Variants in AOPEP observed in about 807,000 individuals in gnomAD.
AOPEP encodes the protein aminopeptidase O (putative), also known as aminopeptidase O.
A neutral mutation model predicts 98.1 loss-of-function variants in AOPEP; 77 were observed. The ratio of observed to expected loss-of-function variants is 0.78; its 90% CI spans 0.65 to 0.95. The LOEUF is 0.95. Among genes scored for constraint, AOPEP ranks in the 40% least tolerant of loss-of-function variants. AOPEP has a pLI of 0.00. For missense variants in AOPEP, 1,024 were observed against 1,024.7 expected, an observed-to-expected ratio of 1.00 and a Z score of 0.01; for synonymous variants, 346 against 365.3, an observed-to-expected ratio of 0.95 and a Z score of 0.60.
chr9:95,144,442 C>A, the AOPEP span, among the ~76,000 whole-genome samples: 4 of 152,204 alleles, frequency 2.6e-5, no homozygotes, highest in African/African-American at 9.7e-5. Context: ...GAGTGTGGGC[C>A]TGCTTGGGGA....
intron 2 of AOPEP, chr9:94,763,416 A>G (rs1332110947): frequency 5.0e-6 from 1 of 200,376 alleles, no homozygotes; most frequent in African/African-American, 2.4e-5. Context: ...TCAAAATGAA[A>G]TAGCTTAATA....
At chr9:94,818,193 G>T (rs1057364179) in intron 5 of AOPEP, among the ~76,000 whole-genome samples, 3 of 152,204 alleles carry the variant, frequency 2.0e-5, no homozygotes, top group African/African-American at 7.2e-5. Flanking sequence ...CAGAACTCTT[G>T]TGGATAAGAT....
intron 7 of AOPEP, among the ~76,000 whole-genome samples, chr9:94,937,787 C>G (rs1442948575): frequency 6.6e-6 from 1 of 152,214 alleles, no homozygotes; most frequent in Non-Finnish European, 1.5e-5. Flanking sequence ...CTGTCTCTCT[C>G]TGATCTTACT....
At chr9:95,087,892 C>T (rs2070806300), downstream of AOPEP, among the ~76,000 whole-genome samples, 1 of 152,218 alleles carries the variant, frequency 6.6e-6, no homozygotes. Flanking sequence ...TCTCCTCTGC[C>T]TGGCTCCAGG....
the AOPEP span, chr9:95,123,909 G>C: frequency 2.3e-6 from 1 of 434,638 alleles, no homozygotes; most frequent in Non-Finnish European, 4.4e-6. Context: ...CTATTCTCTT[G>C]AGAAAAATAA....
chr9:94,907,473 C>T (rs1249641060), intron 5 of AOPEP, among the ~76,000 whole-genome samples: 1 of 152,016 alleles, frequency 6.6e-6, no homozygotes, highest in East Asian at 1.9e-4. Flanking sequence ...GCTGGCTGGG[C>T]ACAGAGTCAA....
intron 9 of AOPEP, 101 bp downstream of exon 9, chr9:94,956,116 C>T (rs1267670256): frequency 4.4e-6 from 3 of 682,430 alleles, no homozygotes; most frequent in Non-Finnish European, 7.5e-6. Flanking sequence ...AAAAGGTTTC[C>T]CATTTAATGC....
intron 5 of AOPEP, among the ~76,000 whole-genome samples, chr9:94,850,627 C>T (rs117036042): frequency 0.029 from 4,491 of 152,270 alleles, 100 homozygotes; most frequent in Non-Finnish European, 0.044. Flanking sequence ...CCCTTAATTA[C>T]GATGCTGTAC....
chr9:94,869,761 G>A (rs2046110358), intron 5 of AOPEP, among the ~76,000 whole-genome samples: 2 of 152,112 alleles, frequency 1.3e-5, no homozygotes, highest in East Asian at 1.9e-4. Flanking sequence ...TGAGTACAGC[G>A]TATCTGCTGT....
At chr9:94,832,861 C>T (rs1530332) in intron 5 of AOPEP, among the ~76,000 whole-genome samples, 1 of 149,816 alleles carries the variant, frequency 6.7e-6, no homozygotes, top group South Asian at 2.1e-4. Flanking sequence ...TAGAAGAAAG[C>T]GGGGGAAAAG....
At chr9:95,146,510 A>AAAAAAAAAAAAAAAC in the AOPEP span, among the ~76,000 whole-genome samples, 1 of 151,490 alleles carries the variant, frequency 6.6e-6, no homozygotes, top group Admixed American at 6.6e-5. Context: ...AAAAAAAAAA[A>AAAAAAAAAAAAAAAC]AATTGAAAAC....
chr9:95,062,292 G>A (rs1161683483), intron 14 of AOPEP, among the ~76,000 whole-genome samples: 2 of 152,154 alleles, frequency 1.3e-5, no homozygotes, highest in Non-Finnish European at 2.9e-5. Flanking sequence ...GACCTGGTGG[G>A]GGCAGATTTC....
Position 95,072,253 on chromosome 9 carries a change from C to A in AOPEP, c.2233-8441C>A, listed in dbSNP as rs1010221764. Among the ~76,000 whole-genome samples the A allele has an allele frequency of 2.0e-5, 3 of 152,214 alleles. No individual in the cohort carries two copies. The South Asian group carries it at 6.2e-4, about 32-fold the overall frequency. ...CGTATTTACATGTTGTCTAAGGCTGCTTTGACCAAAAGGCCAAAAGTGCTC... is the reference window on the plus strand; with the variant it reads ...CGTATTTACATGTTGTCTAAGGCTGATTTGACCAAAAGGCCAAAAGTGCTC... On this transcript the variant is annotated intron_variant, in intron 14 of 16. Transcript: ENST00000375315.
At chr9:94,728,239 G>GCGCGCGCGCGCGCGCGCGCGCA (rs113657409) in intron 1 of AOPEP, among the ~76,000 whole-genome samples, 1 of 146,512 alleles carries the variant, frequency 6.8e-6, no homozygotes, top group East Asian at 2.0e-4. Context: ...GTGCGCGCAT[G>GCGCGCGCGCGCGCGCGCGCGCA]CACACACACA....
chr9:94,867,383 G>C (rs575116908), intron 5 of AOPEP, among the ~76,000 whole-genome samples: 2 of 152,146 alleles, frequency 1.3e-5, no homozygotes, highest in African/African-American at 2.4e-5. Context: ...TTCAGTTTAC[G>C]TAACAGTTTC....
intron 1 of AOPEP, among the ~76,000 whole-genome samples, chr9:94,731,669 T>A (rs993336529): frequency 3.9e-5 from 6 of 152,162 alleles, no homozygotes; most frequent in Admixed American, 3.3e-4. Flanking sequence ...TCTTTTGCAT[T>A]TGGGCATCTG....
intron 13 of AOPEP, among the ~76,000 whole-genome samples, chr9:95,050,002 C>T (rs1257824816): frequency 2.0e-5 from 3 of 152,190 alleles, no homozygotes; most frequent in Non-Finnish European, 4.4e-5. Flanking sequence ...CAGGCTGGAA[C>T]TCACAGTAGA....
At chr9:95,063,769 G>C (rs1228554542) in intron 14 of AOPEP, among the ~76,000 whole-genome samples, 2 of 152,208 alleles carry the variant, frequency 1.3e-5, no homozygotes, top group East Asian at 3.8e-4. Context: ...TGTGGGTATC[G>C]TGTGTTGTGA....
chr9:95,118,997 G>A, the AOPEP span, among the ~76,000 whole-genome samples: 1 of 152,152 alleles, frequency 6.6e-6, no homozygotes, highest in Admixed American at 6.5e-5. Flanking sequence ...ATGGTTTTCC[G>A]GTGTTGTACC....
Sources: allele counts gnomAD v4.1 joint callset (sites outside exome capture counted in the v4.1 genomes callset), GRCh38; gene constraint gnomAD v4.1.1; transcripts MANE v1.5; gene names NCBI Gene and HGNC (gene_info 2026-07-23, HGNC 2026-07-21).